The following IL17RC variants were observed in gnomAD, a reference collection of about 807,000 sequenced individuals.
IL17RC encodes the protein interleukin 17 receptor C.
A neutral mutation model predicts 86.7 loss-of-function variants in IL17RC; 53 were observed. The observed-to-expected ratio is 0.61, with a 90% CI of 0.49 to 0.77. IL17RC has a LOEUF of 0.77. IL17RC is among the 30% of genes least tolerant of loss of function. The probability of loss-of-function intolerance (pLI) is 0.00; values close to 1 mark genes in which losing one functional copy is unlikely to be tolerated. For missense variants in IL17RC, 957 were observed against 940.0 expected, an observed-to-expected ratio of 1.02 and a Z score of -0.24; for synonymous variants, 439 against 413.1, an observed-to-expected ratio of 1.06 and a Z score of -0.76.
Position 9,933,021 on chromosome 3 carries a change from G to A in IL17RC, c.1591G>A (p.Gly531Ser), listed in dbSNP as rs1374206017. 1.3e-6 allele frequency: 2 copies of A among 1,561,540 alleles called. No individual in the cohort carries two copies. Among genetic ancestry groups the A allele is most frequent in the Non-Finnish European group, 1.7e-6 (2 of 1,162,142 alleles). Residue 531 changes from glycine (G) to serine (S), a missense_variant, in exon 19 of 19, where the codon GGC becomes AGC. By Grantham distance (56) the Gly-to-Ser change is moderately conservative. Coordinates refer to ENST00000403601, the MANE Select transcript of IL17RC (RefSeq NM_153460.4). ...TGACTCGGGTTTCGAGCGCCTGGTGGGCGCCCTGGCGTCGGCCCTGTGCCA... is the reference window on the plus strand; with the variant it reads ...TGACTCGGGTTTCGAGCGCCTGGTGAGCGCCCTGGCGTCGGCCCTGTGCCA... ...ADDSGFERLV[G>S]ALASALCQLP...
Position 9,933,604 on chromosome 3 carries a change from A to G in IL17RC, c.*11A>G. 6.4e-7 allele frequency: 1 copy of G among 1,569,276 alleles called. No individual in the cohort carries two copies. Among genetic ancestry groups the G allele is most frequent in the East Asian group, 2.3e-5 (1 of 44,270 alleles). On this transcript the variant is annotated 3_prime_UTR_variant, in exon 19 of 19. Transcript: ENST00000403601. ...GGGGACGGGACTTAAATAAAGGCAG[A>G]CGCTGTTTTTCTACCCATGTGGCCC...
rs530330109 is a variant in IL17RC at position 9,917,263 on chromosome 3, T to TGG, written c.-45_-44dup. On this transcript the variant is annotated 5_prime_UTR_variant, in exon 1 of 19. Transcript: ENST00000403601. ...GGCTGACTGGGGTGTCTGCCCCCCT[T>TGG]GGGGGGGGGCAGCACAGGGCCTCAG... 0.01 allele frequency: 12,801 copies of TGG among 1,273,962 alleles called. 49 individuals carry two copies. Among genetic ancestry groups the TGG allele is most frequent in the African/African-American group, 0.047 (3,019 of 64,348 alleles). 78.9% of individuals were successfully genotyped at this position (1,273,962 alleles called of 1,614,324 possible). A position where few individuals can be genotyped will look rare whatever the true frequency, so the allele number is the denominator to read the frequency against.
rs758254439 is a variant in IL17RC, at chr3:9,933,085, G to A, written c.1655G>A (p.Arg552His). 7 of 1,567,426 alleles carry A rather than the reference G, an allele frequency of 4.5e-6. No homozygotes were observed. Among genetic ancestry groups the A allele is most frequent in the Middle Eastern group, 1.7e-4 (1 of 5,890 alleles). ...LRVAVDLWSR[R>H]ELSAQGPVAW... ...GTGGCCGTAGACCTGTGGAGCCGTC[G>A]TGAACTGAGCGCGCAGGGGCCCGTG... Residue 552 changes from arginine to histidine, a missense_variant, in exon 19 of 19, where the codon CGT becomes CAT. Transcript: ENST00000403601.
intron 7 of IL17RC, 118 bp from the exon 8 acceptor site, chr3:9,923,763 G>C: frequency 8.9e-7 from 1 of 1,117,742 alleles, no homozygotes; most frequent in Non-Finnish European, 1.3e-6. Flanking sequence ...GATGACACAC[G>C]CTCTGCCCTC....
chr3:9,921,800 T>C (rs1231250620), intron 7 of IL17RC, among the ~76,000 whole-genome samples: 1 of 150,764 alleles, frequency 6.6e-6, no homozygotes, highest in Non-Finnish European at 1.5e-5. Context: ...AATTTTTTTT[T>C]TTTTTTAGTA....
In IL17RC at chr3:9,929,913, G is replaced by A. The variant is rs2084491367; in HGVS notation, c.1156+16G>A. On this transcript the variant is annotated intron_variant, in intron 13 of 18. Coordinates refer to ENST00000403601, the MANE Select transcript of IL17RC (RefSeq NM_153460.4). Reference sequence around the variant, plus strand: ...TTGTGGGCTGGTGAGTTGGGCCTGGGGGCAGCTGGGGCAGGGCCACCTCCT... The same window carrying A: ...TTGTGGGCTGGTGAGTTGGGCCTGGAGGCAGCTGGGGCAGGGCCACCTCCT... 6.2e-7 allele frequency: 1 copy of A among 1,613,946 alleles called. No homozygotes were observed. Among genetic ancestry groups the A allele is most frequent in the Non-Finnish European group, 8.5e-7 (1 of 1,179,972 alleles).
At chr3:9,931,019 C>T in intron 16 of IL17RC, 76 bp downstream of exon 16, 1 of 1,128,304 alleles carries the variant, frequency 8.9e-7, no homozygotes, top group Non-Finnish European at 1.4e-6. Flanking sequence ...TTGGGCACAG[C>T]ACATGCAATG....
intron 16 of IL17RC, among the ~76,000 whole-genome samples, chr3:9,931,488 T>C (rs57759045): frequency 0.11 from 6,210 of 57,780 alleles, 620 homozygotes; most frequent in African/African-American, 0.24. Context: ...TATATATATA[T>C]ATATATATAT....
In IL17RC at chr3:9,920,363, A is replaced by G. The variant is rs2083438427; in HGVS notation, c.466-128A>G. ...GTGAATAGTAGATTTCAGGCTATAC[A>G]GTATAAATACAGTCATTAGTTGGGG... On this transcript the variant is annotated intron_variant, in intron 5 of 18. Transcript: ENST00000403601. The G allele has an allele frequency of 4.8e-6, 3 of 627,976 alleles. No homozygotes were observed. In the South Asian group the frequency reaches 5.7e-5, roughly 12 times the overall value. The allele number at this position is 627,976 out of a possible 1,614,324, so 38.9% of individuals were successfully genotyped here.
At position 9,932,868 on chromosome 3, in the gene IL17RC, A is replaced by G; in HGVS notation, c.1522+10A>G. On this transcript the variant is annotated intron_variant, in intron 18 of 18. Coordinates refer to ENST00000403601, the MANE Select transcript of IL17RC (RefSeq NM_153460.4). ...GACGTCCGCTCGGGGGGTGAGTGGGAGCAAGCGCTGGGCGGAGGGCCGCCC... is the reference window on the plus strand; with the variant it reads ...GACGTCCGCTCGGGGGGTGAGTGGGGGCAAGCGCTGGGCGGAGGGCCGCCC... 1 of 1,580,976 alleles carries G rather than the reference A, an allele frequency of 6.3e-7. No homozygotes were observed. The highest frequency in any genetic ancestry group is 8.6e-7 in the Non-Finnish European group (1 of 1,167,402).
rs2083165085 is a variant in IL17RC, at chr3:9,917,377, T to C, written c.62T>C (p.Leu21Pro). Residue 21 changes from leucine to proline, a missense_variant, in exon 1 of 19, where the codon CTG (leucine) becomes CCG (proline). Leu to Pro is a moderately conservative substitution (Grantham distance 98, BLOSUM62 -3). Coordinates refer to ENST00000403601, the MANE Select transcript of IL17RC (RefSeq NM_153460.4). ...GGCCGAAGCCCAGTGGTCCTTTCTC[T>C]GGAGAGGCTTGTGGGGCCTCAGGAC... The part of the protein sequence containing the change: ...ALGRSPVVLS[L>P]ERLVGPQDAT... 3 of 1,614,006 alleles carry C rather than the reference T, an allele frequency of 1.9e-6. No homozygotes were observed. Among genetic ancestry groups the C allele is most frequent in the African/African-American group, 2.7e-5 (2 of 74,918 alleles).
Position 9,928,639 on chromosome 3 carries a change from GGGGTGCATAGTGCT to G in IL17RC, c.1110+13_1110+26del. 1.2e-6 allele frequency: 2 copies of G among 1,613,638 alleles called. No individual in the cohort carries two copies. The highest frequency in any genetic ancestry group is 8.5e-7 in the Non-Finnish European group (1 of 1,179,962). On this transcript the variant is annotated intron_variant, in intron 12 of 18. Transcript: ENST00000403601. ...CTAACCTCTGTGTTCAGGTCAGAAA[GGGGTGCATAGTGCT>G]GGGCTGGAGGCTGGACCTGGGCAGA...
intron 7 of IL17RC, among the ~76,000 whole-genome samples, chr3:9,921,878 G>A (rs1239579424): frequency 6.7e-6 from 1 of 148,960 alleles, no homozygotes; most frequent in Non-Finnish European, 1.5e-5. Flanking sequence ...GCCTGCCTCA[G>A]CCTCCCAAAG....
rs370962270 is a variant in IL17RC, at chr3:9,917,903, A to G, written c.128-20A>G. On this transcript the variant is annotated intron_variant, in intron 2 of 18. Transcript: ENST00000403601. Reference sequence around the variant, plus strand: ...TGGGCTTGGAACAGCTTCAGCTCCCACCCGCTCCTCCACACACAGACAGTG... The same window carrying G: ...TGGGCTTGGAACAGCTTCAGCTCCCGCCCGCTCCTCCACACACAGACAGTG... 2.2e-5 allele frequency: 35 copies of G among 1,612,670 alleles called. No homozygotes were observed. Among genetic ancestry groups the G allele is most frequent in the Non-Finnish European group, 3.0e-5 (35 of 1,179,956 alleles).
At chr3:9,932,101 G>GAGGA (rs375759286) in intron 16 of IL17RC, among the ~76,000 whole-genome samples, 34 of 152,302 alleles carry the variant, frequency 2.2e-4, no homozygotes, top group African/African-American at 7.7e-4. Flanking sequence ...CAACTTTACA[G>GAGGA]AGGAGAAAAC....
In IL17RC at chr3:9,930,683, C is replaced by T. The variant is rs573828744; in HGVS notation, c.1339-212C>T. ...AGTTTTGGGTTCCAGGGAGAGCTTC[C>T]GGGAAGAATTTCTTCCTATAAGCCA... On this transcript the variant is annotated intron_variant, in intron 15 of 18. Transcript: ENST00000403601. The surrounding 1 kb of genome is among the most constrained non-coding windows in gnomAD (Gnocchi z 5.8). 5.2e-5 allele frequency: 35 copies of T among 671,730 alleles called. No homozygotes were observed. The highest frequency in any genetic ancestry group is 8.6e-5 in the Non-Finnish European group (33 of 385,422). The allele number at this position is 671,730 out of a possible 1,614,324, so 41.6% of individuals were successfully genotyped here. A position where few individuals can be genotyped will look rare whatever the true frequency, so the allele number is the denominator to read the frequency against.
rs767529735 is a variant in IL17RC at position 9,928,136 on chromosome 3, G to GA, written c.823-29dup. 1.6e-5 allele frequency: 25 copies of GA among 1,611,664 alleles called. No homozygotes were observed. In the Admixed American group the frequency reaches 3.3e-4, roughly 21 times the overall value. ...GGGCCAGGCACATGCCCATGGAGGG[G>GA]ACCTGAGCAGACCCCCATTTCCTTT... On this transcript the variant is annotated intron_variant, in intron 9 of 18. Transcript: ENST00000403601.
chr3:9,928,102 T>C, intron 9 of IL17RC, 64 bp from the exon 10 acceptor site: 2 of 1,505,460 alleles, frequency 1.3e-6, no homozygotes, highest in African/African-American at 1.4e-5. Context: ...ATCCCCACTG[T>C]CCAGCAGAGG....
rs746661482 is a variant in IL17RC at position 9,924,258 on chromosome 3, C to T, written c.789C>T (p.Asn263=). Residue 263 remains asparagine (N), a synonymous_variant, in exon 9 of 19, where the codon AAC becomes AAT. Coordinates refer to ENST00000403601, the MANE Select transcript of IL17RC (RefSeq NM_153460.4). ...NLTGPQIITL[N]HTDLVPCLCI... is the part of the protein sequence containing the mutation. ...CTGGACCGCAGATCATTACCTTGAA[C>T]CACACAGACCTGGTTCCCTGCCTCT... The T allele has an allele frequency of 6.2e-7, 1 of 1,614,140 alleles. No homozygotes were observed. Among genetic ancestry groups the T allele is most frequent in the Non-Finnish European group, 8.5e-7 (1 of 1,180,014 alleles).
Sources: gnomAD v4.1 joint callset for allele counts (sites outside exome capture counted in the v4.1 genomes callset) on GRCh38, gnomAD v4.1.1 for gene constraint, Gnocchi (gnomAD v3.1) non-coding constraint, MANE v1.5 for transcripts, NCBI Gene and HGNC (gene_info 2026-07-23, HGNC 2026-07-21) for gene names.